Variants in CNTNAP2 observed in about 807,000 individuals in gnomAD.
The protein encoded by CNTNAP2 is contactin associated protein 2.
Under a neutral mutation model 155.2 loss-of-function variants are expected in CNTNAP2, and 98 were observed. The ratio of observed to expected loss-of-function variants is 0.63; its 90% CI spans 0.54 to 0.75. The LOEUF is 0.75. CNTNAP2 is among the 30% of genes least tolerant of loss of function. The pLI is 0.00. For synonymous variants in CNTNAP2, 651 were observed against 631.2 expected, an observed-to-expected ratio of 1.03 and a Z score of -0.47; for missense variants, 1,727 against 1,688.1, an observed-to-expected ratio of 1.02 and a Z score of -0.40.
chr7:146,447,406 C>T (rs1796417595), intron 1 of CNTNAP2, among the ~76,000 whole-genome samples: 2 of 151,816 alleles, frequency 1.3e-5, no homozygotes, highest in Non-Finnish European at 2.9e-5. Flanking sequence ...TATGAGTGAC[C>T]CTTCTAAAGG....
At chr7:147,484,236 G>C (rs1180762089) in intron 10 of CNTNAP2, among the ~76,000 whole-genome samples, 1 of 152,048 alleles carries the variant, frequency 6.6e-6, no homozygotes, top group Non-Finnish European at 1.5e-5. Flanking sequence ...TAAATTTAGG[G>C]TGAATTTTCC....
intron 13 of CNTNAP2, among the ~76,000 whole-genome samples, chr7:147,902,760 G>A (rs949416494): frequency 3.4e-5 from 5 of 147,032 alleles, no homozygotes; most frequent in Non-Finnish European, 6.0e-5. Flanking sequence ...TGGCTGAGTA[G>A]TATTCCATCA....
chr7:147,095,516 T>C (rs1800512307), intron 4 of CNTNAP2, among the ~76,000 whole-genome samples: 1 of 151,386 alleles, frequency 6.6e-6, no homozygotes, highest in Non-Finnish European at 1.5e-5. Context: ...TTGTAAAATT[T>C]ATATATGTAT....
intron 15 of CNTNAP2, among the ~76,000 whole-genome samples, chr7:147,984,733 C>G (rs149709869): frequency 5.3e-4 from 80 of 152,100 alleles, no homozygotes; most frequent in African/African-American, 1.9e-3. Flanking sequence ...TTCTCACCCC[C>G]CAAAGGAGTT....
intron 3 of CNTNAP2, among the ~76,000 whole-genome samples, chr7:146,923,124 G>A (rs556662327): frequency 6.6e-6 from 1 of 152,250 alleles, no homozygotes; most frequent in African/African-American, 2.4e-5. Flanking sequence ...ATCTTTTAAA[G>A]CTCAGTTTCC....
chr7:146,987,782 G>C (rs949997810), intron 3 of CNTNAP2, among the ~76,000 whole-genome samples: 6 of 152,042 alleles, frequency 3.9e-5, no homozygotes, highest in African/African-American at 1.4e-4. Context: ...ACTTAACAAT[G>C]ATGTGAACTT....
chr7:148,194,058 C>G (rs1795237708), intron 18 of CNTNAP2, among the ~76,000 whole-genome samples: 1 of 151,666 alleles, frequency 6.6e-6, no homozygotes, highest in South Asian at 2.1e-4. Context: ...GCAGCCTTGA[C>G]TTCCTGGGCT....
chr7:148,264,231 C>A (rs1164898015), intron 20 of CNTNAP2, among the ~76,000 whole-genome samples: 3 of 152,180 alleles, frequency 2.0e-5, no homozygotes, highest in African/African-American at 7.2e-5. Context: ...AGAAGACATT[C>A]ATAATATATC....
intron 2 of CNTNAP2, among the ~76,000 whole-genome samples, chr7:146,815,823 A>G (rs1407050442): frequency 6.6e-6 from 1 of 152,110 alleles, no homozygotes; most frequent in Non-Finnish European, 1.5e-5. Context: ...GGTTTGTTAC[A>G]TATGTATACA....
chr7:147,599,831 G>A (rs528148485), intron 12 of CNTNAP2, among the ~76,000 whole-genome samples: 3 of 152,242 alleles, frequency 2.0e-5, no homozygotes, highest in Non-Finnish European at 4.4e-5. Flanking sequence ...GATTACATCT[G>A]CAAAGACGCT....
chr7:147,362,800 C>A (rs1470232914), intron 9 of CNTNAP2, among the ~76,000 whole-genome samples: 1 of 152,008 alleles, frequency 6.6e-6, no homozygotes, highest in Non-Finnish European at 1.5e-5. Context: ...GAGAATTGAG[C>A]CTAAATGGAT....
chr7:146,905,377 A>G (rs752082303), intron 3 of CNTNAP2, among the ~76,000 whole-genome samples: 1 of 152,012 alleles, frequency 6.6e-6, no homozygotes, highest in African/African-American at 2.4e-5. Flanking sequence ...CCACATTCTC[A>G]TCACCTCACC....
intron 8 of CNTNAP2, among the ~76,000 whole-genome samples, chr7:147,298,743 AC>A (rs1794884399): frequency 1.3e-5 from 2 of 152,224 alleles, no homozygotes; most frequent in Non-Finnish European, 2.9e-5. Flanking sequence ...AAATAAATGT[AC>A]TTGGCTACAT....
chr7:147,463,763 G>C (rs1340017783), intron 10 of CNTNAP2, among the ~76,000 whole-genome samples: 2 of 152,076 alleles, frequency 1.3e-5, no homozygotes, highest in African/African-American at 4.8e-5. Context: ...CTTCCAAACG[G>C]AATAGCAGGT....
Position 147,078,254 on chromosome 7 carries a change from G to A in CNTNAP2, c.551-29893G>A, listed in dbSNP as rs78708431. On this transcript the variant is annotated intron_variant, in intron 4 of 23. Transcript: ENST00000361727. ...AACTTTATCTGCGAAATCACTGGCC[G>A]TTGACTTTCTGTGAAAGAGTTAAGT... 5.9e-5 allele frequency among the ~76,000 whole-genome samples: 9 copies of A among 152,234 alleles called. No homozygotes were observed. The East Asian group carries it at 7.7e-4, about 13-fold the overall frequency.
At chr7:146,885,733 G>C (rs1246608537) in intron 3 of CNTNAP2, among the ~76,000 whole-genome samples, 1 of 152,086 alleles carries the variant, frequency 6.6e-6, no homozygotes, top group Non-Finnish European at 1.5e-5. Flanking sequence ...GATTCTATTT[G>C]TCATGTTTTC....
chr7:146,748,000 C>T lies in CNTNAP2; in HGVS notation c.98-26271C>T, dbSNP rs1474132121. On this transcript the variant is annotated intron_variant, in intron 1 of 23. Transcript: ENST00000361727. The stretch of plus-strand genomic sequence containing the variant: ...CAATGTACAAAATATACTAGTTTTC[C>T]GTCTTTTCTCCTTTTTTTAAAAATT... Among the ~76,000 whole-genome samples the T allele has an allele frequency of 3.3e-5, 5 of 150,730 alleles. No individual in the cohort carries two copies. The South Asian group carries it at 6.2e-4, about 19-fold the overall frequency.
rs1319064800 is a variant in CNTNAP2 at position 147,137,144 on chromosome 7, T to C, written c.1348+4635T>C. ...AACATATATACAATAACCAAAGTAA[T>C]TGAAAACAAACTACTGAAAATGGAC... On this transcript the variant is annotated intron_variant, in intron 8 of 23. Coordinates refer to ENST00000361727, the MANE Select transcript of CNTNAP2 (RefSeq NM_014141.6). Among the ~76,000 whole-genome samples, 6 of 151,508 alleles carry C rather than the reference T, an allele frequency of 4.0e-5. No homozygotes were observed. In the South Asian group the frequency reaches 1.0e-3, roughly 26 times the overall value.
intron 8 of CNTNAP2, among the ~76,000 whole-genome samples, chr7:147,215,378 G>C (rs1481971545): frequency 6.6e-6 from 1 of 152,036 alleles, no homozygotes; most frequent in Non-Finnish European, 1.5e-5. Context: ...CACAACCTCT[G>C]GCAACAATTG....
Sources: gnomAD v4.1 joint callset for allele counts (sites outside exome capture counted in the v4.1 genomes callset) on GRCh38, gnomAD v4.1.1 for gene constraint, MANE v1.5 for transcripts, NCBI Gene and HGNC (gene_info 2026-07-23, HGNC 2026-07-21) for gene names.